The following HELZ variants were observed in gnomAD, a reference collection of about 807,000 sequenced individuals.
HELZ encodes the protein helicase with zinc finger, also known as ATP-dependent RNA helicase with zinc finger domain.
A neutral mutation model predicts 218.2 loss-of-function variants in HELZ; 23 were observed. The observed-to-expected ratio is 0.11, with a 90% CI of 0.08 to 0.15. The LOEUF is 0.15. Ranked by LOEUF, HELZ falls within the 10% of genes least tolerant of loss-of-function variation. The pLI is 1.00. For synonymous variants in HELZ, 814 were observed against 829.4 expected (o/e 0.98, Z 0.32); for missense variants, 1,813 against 2,353.7 (o/e 0.77, Z 4.75).
intron 20 of HELZ, among the ~76,000 whole-genome samples, chr17:67,147,736 G>A (rs541092965): frequency 1.3e-5 from 2 of 150,548 alleles, no homozygotes; most frequent in East Asian, 2.0e-4. Context: ...CTCCTGCCTC[G>A]TCCTCCCAAA....
chr17:67,143,347 C>T (rs2038393043), intron 21 of HELZ, among the ~76,000 whole-genome samples: 1 of 152,108 alleles, frequency 6.6e-6, no homozygotes. Flanking sequence ...GCTGCTCACA[C>T]CTCTAGTTTC....
intron 5 of HELZ, among the ~76,000 whole-genome samples, chr17:67,204,858 T>G (rs1162997368): frequency 1.3e-5 from 2 of 152,192 alleles, no homozygotes; most frequent in African/African-American, 4.8e-5. Context: ...AAGAATGTCT[T>G]GAGTGTCTTA....
intron 31 of HELZ, among the ~76,000 whole-genome samples, chr17:67,104,901 C>G (rs1377374950): frequency 6.6e-6 from 1 of 152,094 alleles, no homozygotes; most frequent in Non-Finnish European, 1.5e-5. Flanking sequence ...GGCGGATCAC[C>G]TGAGGTCAGG....
Position 67,109,622 on chromosome 17 carries a change from C to T in HELZ, c.3983G>A (p.Ser1328Asn). The change falls in exon 29 of 33, where the codon AGT becomes AAT. Residue 1328 changes from serine (S) to asparagine (N), a missense_variant. Physicochemically the swap from Ser to Asn is conservative, Grantham distance 46. Transcript: ENST00000358691. ...ATTATCTTTGCGAGGAAATTTGGTA[C>T]TGGGATAAACAACACTAGGACGTGA... ...PESRPSVVYP[S>N]TKFPRKDNLN... 2 of 1,614,050 alleles carry T rather than the reference C, an allele frequency of 1.2e-6. No homozygotes were observed. Among genetic ancestry groups the T allele is most frequent in the Non-Finnish European group, 1.7e-6 (2 of 1,179,996 alleles).
intron 12 of HELZ, among the ~76,000 whole-genome samples, chr17:67,187,065 C>A (rs1598391709): frequency 6.6e-6 from 1 of 152,166 alleles, no homozygotes; most frequent in African/African-American, 2.4e-5. Context: ...ACAGAGATCA[C>A]CTGCCCTGCA....
At chr17:67,240,805 A>C (rs893437686) in intron 2 of HELZ, among the ~76,000 whole-genome samples, 1 of 152,252 alleles carries the variant, frequency 6.6e-6, no homozygotes, top group Non-Finnish European at 1.5e-5. Context: ...AAACTGACCC[A>C]GTACAATTCA....
intron 2 of HELZ, among the ~76,000 whole-genome samples, chr17:67,240,921 TA>T (rs1243709879): frequency 6.6e-6 from 1 of 152,236 alleles, no homozygotes; most frequent in Non-Finnish European, 1.5e-5. Context: ...TATATATAAA[TA>T]AAATTCTTCC....
intron 1 of HELZ, chr17:67,244,488 A>G (rs1440720986): frequency 2.1e-6 from 1 of 483,290 alleles, no homozygotes; most frequent in East Asian, 1.5e-4. Flanking sequence ...TGAAAAGGGT[A>G]CTGGAGTACT....
At chr17:67,180,326 T>G (rs2039571523) in intron 12 of HELZ, among the ~76,000 whole-genome samples, 1 of 151,656 alleles carries the variant, frequency 6.6e-6, no homozygotes, top group Non-Finnish European at 1.5e-5. Context: ...TCTAAAAAAA[T>G]AAAATAAAAA....
chr17:67,109,507 T>C lies in HELZ; in HGVS notation c.4098A>G (p.Leu1366=), dbSNP rs1567808307. 5 of 1,614,108 alleles carry C rather than the reference T, an allele frequency of 3.1e-6. No individual in the cohort carries two copies. Among genetic ancestry groups the C allele is most frequent in the Non-Finnish European group, 2.5e-6 (3 of 1,180,020 alleles). The change falls in exon 29 of 33, where the codon CTA becomes CTG. Residue 1366 remains leucine (L), a synonymous_variant. Transcript: ENST00000358691. ...PNRHFHPLPQ[L]PRPPFPIPQQ... is the part of the protein sequence containing the mutation. The stretch of plus-strand genomic sequence containing the variant: ...GTGGAATTGGAAAGGGTGGTCTTGG[T>C]AGCTGGGGAAGGGGATGAAAGTGGC...
At chr17:67,162,106 G>A (rs900549768) in intron 15 of HELZ, among the ~76,000 whole-genome samples, 1 of 152,032 alleles carries the variant, frequency 6.6e-6, no homozygotes, top group African/African-American at 2.4e-5. Context: ...AAATCTTAAC[G>A]CTTTCAGTTT....
chr17:67,121,830 T>A (rs968218145), intron 26 of HELZ, among the ~76,000 whole-genome samples: 2 of 152,236 alleles, frequency 1.3e-5, no homozygotes, highest in Non-Finnish European at 2.9e-5. Flanking sequence ...TTTCACAAGA[T>A]GTGGAATTTC....
At chr17:67,185,881 CT>C (rs1306535103) in intron 12 of HELZ, among the ~76,000 whole-genome samples, 1 of 152,068 alleles carries the variant, frequency 6.6e-6, no homozygotes, top group Non-Finnish European at 1.5e-5. Context: ...GGAGGATATC[CT>C]TGTCTATATA....
chr17:67,229,220 G>A (rs1436756846), intron 3 of HELZ, among the ~76,000 whole-genome samples: 2 of 152,006 alleles, frequency 1.3e-5, no homozygotes, highest in Non-Finnish European at 1.5e-5. Context: ...ACAGATATCC[G>A]GGCCACCACC....
chr17:67,101,405 G>C (rs1055928503), intron 31 of HELZ, among the ~76,000 whole-genome samples: 8 of 152,086 alleles, frequency 5.3e-5, no homozygotes, highest in African/African-American at 1.9e-4. Flanking sequence ...AAAGTAATAA[G>C]GGAGACTTTA....
intron 31 of HELZ, among the ~76,000 whole-genome samples, chr17:67,093,965 T>TC (rs2036652913): frequency 1.4e-5 from 2 of 146,522 alleles, no homozygotes; most frequent in African/African-American, 5.5e-5. Context: ...TTGTTTCCCT[T>TC]AAAAGATACA....
intron 20 of HELZ, among the ~76,000 whole-genome samples, chr17:67,147,657 T>C (rs2038543773): frequency 1.3e-5 from 2 of 148,370 alleles, no homozygotes; most frequent in Admixed American, 1.3e-4. Flanking sequence ...TTTTTTTTTT[T>C]TTTTGGTAGG....
intron 13 of HELZ, among the ~76,000 whole-genome samples, chr17:67,172,517 T>G (rs954364557): frequency 3.9e-5 from 6 of 152,224 alleles, no homozygotes; most frequent in Admixed American, 2.0e-4. Flanking sequence ...TATTCCCACT[T>G]TAGCCACTTT....
chr17:67,195,852 C>CTTTTTTTTTTTTTTTT (rs1238942016), intron 7 of HELZ, among the ~76,000 whole-genome samples: 77 of 84,746 alleles, frequency 9.1e-4, no homozygotes, highest in Non-Finnish European at 1.3e-3. Flanking sequence ...TTTTTTTTTT[C>CTTTTTTTTTTTTTTTT]TTTTTTTTTT....
Sources: allele counts gnomAD v4.1 joint callset (sites outside exome capture counted in the v4.1 genomes callset), GRCh38; gene constraint gnomAD v4.1.1; transcripts MANE v1.5; gene names NCBI Gene and HGNC (gene_info 2026-07-23, HGNC 2026-07-21).